Variants in CDIN1 observed in about 807,000 individuals in gnomAD.
CDIN1 encodes CDAN1-interacting nuclease 1.
CDIN1 carries 33 observed loss-of-function variants against 45.3 expected under a neutral mutation model. The observed-to-expected ratio is 0.73, with a 90% CI of 0.55 to 0.97. The LOEUF (loss-of-function observed/expected upper bound fraction) is 0.97, where lower values mean the gene tolerates loss of function less well. CDIN1 is among the 50% of genes least tolerant of loss of function. The pLI is 0.00. For missense variants in CDIN1, 303 were observed against 339.4 expected (o/e 0.89, Z 0.84); for synonymous variants, 118 against 124.4 (o/e 0.95, Z 0.34).
intron 1 of CDIN1, among the ~76,000 whole-genome samples, chr15:36,632,869 C>G (rs542973595): frequency 2.9e-4 from 44 of 152,206 alleles, no homozygotes; most frequent in Non-Finnish European, 6.0e-4. Context: ...GAAAAATGGC[C>G]AGAAGCCTGG....
chr15:36,597,934 G>T (rs1211938333), intron 1 of CDIN1, among the ~76,000 whole-genome samples: 2 of 152,132 alleles, frequency 1.3e-5, no homozygotes, highest in African/African-American at 4.8e-5. Context: ...TTATTATTTT[G>T]TAGATATTTG....
chr15:36,725,030 C>T (rs1305079876), intron 10 of CDIN1, among the ~76,000 whole-genome samples: 6 of 152,148 alleles, frequency 3.9e-5, no homozygotes, highest in Non-Finnish European at 7.3e-5. Context: ...AAAGCTCCAT[C>T]GGCAGCCCAA....
chr15:36,720,999 G>A (rs2043395727), intron 10 of CDIN1, among the ~76,000 whole-genome samples: 1 of 152,116 alleles, frequency 6.6e-6, no homozygotes, highest in Non-Finnish European at 1.5e-5. Flanking sequence ...ATCTCATTGT[G>A]GTTTTGATTT....
At chr15:36,656,653 G>C (rs757664616) in intron 4 of CDIN1, among the ~76,000 whole-genome samples, 5 of 152,228 alleles carry the variant, frequency 3.3e-5, no homozygotes, top group Middle Eastern at 3.4e-3. Flanking sequence ...TAATAAGGTA[G>C]TCCTTATTCA....
At chr15:36,629,087 A>G (rs1283067827) in intron 1 of CDIN1, among the ~76,000 whole-genome samples, 1 of 152,136 alleles carries the variant, frequency 6.6e-6, no homozygotes, top group Non-Finnish European at 1.5e-5. Flanking sequence ...CTCTGGAGGG[A>G]GCATGGCCTT....
rs569385983 is a variant in CDIN1 at position 36,800,039 on chromosome 15, C to T, written c.717-8285C>T. ...ATGTGAAAATATCAAGGTATATAAT[C>T]ACCATGGAGAATTTCAGAGTGTTGT... is the stretch of plus-strand genomic sequence containing the variant. On this transcript the variant is annotated intron_variant, in intron 10 of 10. Transcript: ENST00000566621. 7.2e-5 allele frequency among the ~76,000 whole-genome samples: 11 copies of T among 152,234 alleles called. No individual in the cohort carries two copies. In the South Asian group the frequency reaches 2.3e-3, roughly 32 times the overall value.
intron 8 of CDIN1, chr15:36,705,395 A>G (rs1361367658): frequency 1.3e-5 from 2 of 152,208 alleles, no homozygotes; most frequent in South Asian, 2.1e-4. Context: ...CACTTTAAAA[A>G]TATTACATTT....
At chr15:36,641,683 T>TA (rs568425903) in intron 1 of CDIN1, among the ~76,000 whole-genome samples, 69 of 152,224 alleles carry the variant, frequency 4.5e-4, no homozygotes, top group African/African-American at 1.6e-3. Flanking sequence ...TCATTCTGTA[T>TA]AAAAAAAATG....
intron 10 of CDIN1, among the ~76,000 whole-genome samples, chr15:36,750,135 A>G (rs2053420119): frequency 6.6e-6 from 1 of 151,988 alleles, no homozygotes; most frequent in South Asian, 2.1e-4. Flanking sequence ...GAAGAAACAA[A>G]TCCAAACCAA....
intron 10 of CDIN1, among the ~76,000 whole-genome samples, chr15:36,761,145 C>G (rs1017914804): frequency 6.6e-6 from 1 of 152,166 alleles, no homozygotes; most frequent in Non-Finnish European, 1.5e-5. Context: ...GACCTTCAGT[C>G]TCCAGTTATA....
intron 1 of CDIN1, among the ~76,000 whole-genome samples, chr15:36,624,938 A>G (rs1294192378): frequency 6.6e-6 from 1 of 152,152 alleles, no homozygotes; most frequent in Non-Finnish European, 1.5e-5. Context: ...GGCAGAACAT[A>G]TATTTTTGTG....
chr15:36,604,274 CTT>C (rs34347558), intron 1 of CDIN1, among the ~76,000 whole-genome samples: 2,793 of 147,918 alleles, frequency 0.019, 32 homozygotes, highest in Non-Finnish European at 0.023. Context: ...AGCCACCTGG[CTT>C]TTTTTTTTTT....
chr15:36,666,687 G>A (rs115184399), intron 5 of CDIN1, among the ~76,000 whole-genome samples: 2,295 of 152,162 alleles, frequency 0.015, 54 homozygotes, highest in African/African-American at 0.053. Context: ...GGGTTAGAAT[G>A]CCCCAAACTT....
intron 1 of CDIN1, chr15:36,595,003 A>G (rs2037746085): frequency 2.6e-6 from 2 of 760,636 alleles, no homozygotes; most frequent in South Asian, 6.0e-5. Context: ...TCCATAGATA[A>G]GCTATAGAGA....
At chr15:36,639,379 G>GT (rs11437773) in intron 1 of CDIN1, among the ~76,000 whole-genome samples, 53 of 152,036 alleles carry the variant, frequency 3.5e-4, no homozygotes, top group African/African-American at 1.2e-3. Context: ...GCCAAGGTGG[G>GT]GGATCACTTG....
At chr15:36,756,062 T>C (rs2053601601) in intron 10 of CDIN1, 1 of 455,860 alleles carries the variant, frequency 2.2e-6, no homozygotes, top group Non-Finnish European at 4.4e-6. Context: ...TTCAACAAAT[T>C]CCTATGAGGA....
At chr15:36,629,976 T>C (rs2047735216) in intron 1 of CDIN1, among the ~76,000 whole-genome samples, 1 of 152,188 alleles carries the variant, frequency 6.6e-6, no homozygotes, top group African/African-American at 2.4e-5. Context: ...TTTTAGTAAA[T>C]ATCTGGATTA....
intron 5 of CDIN1, among the ~76,000 whole-genome samples, chr15:36,671,289 A>G (rs1040130546): frequency 2.6e-5 from 4 of 152,096 alleles, no homozygotes; most frequent in African/African-American, 9.7e-5. Context: ...GGCATTGGCA[A>G]TATTCTTTGT....
At chr15:36,763,691 C>A (rs993103839) in intron 10 of CDIN1, among the ~76,000 whole-genome samples, 5 of 152,150 alleles carry the variant, frequency 3.3e-5, no homozygotes, top group Admixed American at 1.3e-4. Flanking sequence ...GTTCAGGGAG[C>A]TTGAGAGTTG....
Sources: gnomAD v4.1 joint callset for allele counts (sites outside exome capture counted in the v4.1 genomes callset) on GRCh38, gnomAD v4.1.1 for gene constraint, MANE v1.5 for transcripts, NCBI Gene and HGNC (gene_info 2026-07-23, HGNC 2026-07-21) for gene names.